ACTR3C: variants seen among roughly 807,000 people sequenced by gnomAD.
ACTR3C encodes actin-related protein 3C.
Under a neutral mutation model 26.3 loss-of-function variants are expected in ACTR3C, and 18 were observed. That is an observed-to-expected ratio of 0.68 (90% CI 0.47 to 1.01). The LOEUF is 1.01. Among genes scored for constraint, ACTR3C ranks in the 50% least tolerant of loss-of-function variants. The pLI is 0.00. For synonymous variants in ACTR3C, 55 were observed against 94.5 expected (o/e 0.58, Z 2.42); for missense variants, 184 against 250.7 (o/e 0.73, Z 1.80).
At chr7:150,155,193 A>G in the ACTR3C span, among the ~76,000 whole-genome samples, 1 of 152,260 alleles carries the variant, frequency 6.6e-6, no homozygotes, top group Admixed American at 6.5e-5. Context: ...TAAATGGGGA[A>G]CAGAGATGAA....
At chr7:150,201,767 G>T in the ACTR3C span, among the ~76,000 whole-genome samples, 1 of 150,174 alleles carries the variant, frequency 6.7e-6, no homozygotes, top group East Asian at 2.0e-4. Context: ...AAAAAAAAAA[G>T]TTTCTCACTT....
At chr7:149,975,936 A>T in the ACTR3C span, among the ~76,000 whole-genome samples, 1 of 152,132 alleles carries the variant, frequency 6.6e-6, no homozygotes, top group East Asian at 1.9e-4. Context: ...CTGGGTGGGG[A>T]AACAGCCAAA....
the ACTR3C span, among the ~76,000 whole-genome samples, chr7:150,168,991 C>A: frequency 6.6e-6 from 1 of 150,684 alleles, no homozygotes; most frequent in Non-Finnish European, 1.5e-5. Flanking sequence ...GAATCCCTAA[C>A]CTTCAATGCA....
the ACTR3C span, among the ~76,000 whole-genome samples, chr7:149,928,731 T>C: frequency 6.6e-6 from 1 of 151,294 alleles, no homozygotes; most frequent in African/African-American, 2.4e-5. Context: ...TAATCCCAGC[T>C]ACTCAGGAGG....
At chr7:150,110,849 T>A in the ACTR3C span, among the ~76,000 whole-genome samples, 1 of 30,468 alleles carries the variant, frequency 3.3e-5, no homozygotes, top group Admixed American at 4.3e-4. Context: ...CTGTTGGGGG[T>A]GTGGCTCTTA....
intron 6 of ACTR3C, among the ~76,000 whole-genome samples, chr7:150,282,822 G>A (rs1225599656): frequency 1.4e-5 from 2 of 143,464 alleles, no homozygotes; most frequent in Non-Finnish European, 3.0e-5. Context: ...GCTGCAGTGA[G>A]CTGTGATCAC....
At position 150,284,773 on chromosome 7, in the gene ACTR3C, C is replaced by T; in HGVS notation, c.544G>A (p.Val182Met). The T allele has an allele frequency of 6.2e-7, 1 of 1,613,076 alleles. No individual in the cohort carries two copies. Among genetic ancestry groups the T allele is most frequent in the Non-Finnish European group, 8.5e-7 (1 of 1,179,588 alleles). ...CATACCTTATACAGCGGACGCCGCA[C>T]ATCGATGGGGCAGTTCTGTATTACT... is the stretch of plus-strand genomic sequence containing the variant. Reference protein sequence around the residue: ...DEVIQNCPIDVRRPLYKMEQI... With the variant: ...DEVIQNCPIDMRRPLYKMEQI... The change falls in exon 6 of 8, where the codon GTG (valine) becomes ATG (methionine). Residue 182 changes from valine (V) to methionine (M), a missense_variant. Transcript: ENST00000683684.
At chr7:150,259,447 T>C (rs188240867) in intron 6 of ACTR3C, among the ~76,000 whole-genome samples, 1 of 152,194 alleles carries the variant, frequency 6.6e-6, no homozygotes, top group Non-Finnish European at 1.5e-5. Flanking sequence ...CCTATCAAAG[T>C]ATTTTTCTGT....
chr7:150,084,280 AT>A, the ACTR3C span, among the ~76,000 whole-genome samples: 1 of 152,184 alleles, frequency 6.6e-6, no homozygotes, highest in African/African-American at 2.4e-5. Flanking sequence ...GAATGTTTCC[AT>A]TTTTAAAATT....
intron 6 of ACTR3C, among the ~76,000 whole-genome samples, chr7:150,272,766 C>G (rs1204554208): frequency 1.5e-5 from 2 of 135,028 alleles, no homozygotes; most frequent in Non-Finnish European, 3.0e-5. Context: ...TCCTAACTCC[C>G]TGTAGCCTCC....
At chr7:150,152,261 A>G in the ACTR3C span, among the ~76,000 whole-genome samples, 1 of 152,080 alleles carries the variant, frequency 6.6e-6, no homozygotes, top group Non-Finnish European at 1.5e-5. Flanking sequence ...ATTCAGTATG[A>G]TATTGGCTGT....
At chr7:150,297,297 A>G (rs1431585673) in intron 1 of ACTR3C, among the ~76,000 whole-genome samples, 43 of 150,668 alleles carry the variant, frequency 2.9e-4, no homozygotes, top group Non-Finnish European at 3.4e-4. Context: ...ACCACACATT[A>G]TATGTATCAA....
the ACTR3C span, among the ~76,000 whole-genome samples, chr7:150,108,878 T>G: frequency 4.6e-5 from 7 of 151,340 alleles, no homozygotes; most frequent in East Asian, 1.2e-3. Context: ...GGGGAAGGAC[T>G]GAGAGTAAGG....
At chr7:149,917,286 G>A in the ACTR3C span, among the ~76,000 whole-genome samples, 1 of 152,190 alleles carries the variant, frequency 6.6e-6, no homozygotes, top group South Asian at 2.1e-4. Flanking sequence ...TGTTGGTCAG[G>A]CTGGTCTCAA....
chr7:150,143,540 G>C, the ACTR3C span, among the ~76,000 whole-genome samples: 1 of 152,128 alleles, frequency 6.6e-6, no homozygotes, highest in African/African-American at 2.4e-5. Flanking sequence ...TCAAGACATG[G>C]AACCTTCCCA....
chr7:149,901,052 A>G, the ACTR3C span, among the ~76,000 whole-genome samples: 154 of 152,306 alleles, frequency 1.0e-3, no homozygotes, highest in South Asian at 0.012. Context: ...CACACACTGT[A>G]TGAGTAGTAG....
the ACTR3C span, among the ~76,000 whole-genome samples, chr7:150,089,831 G>C: frequency 1.3e-5 from 2 of 152,202 alleles, no homozygotes; most frequent in African/African-American, 4.8e-5. Context: ...ATGGAATTGG[G>C]CACAAGTCTG....
the ACTR3C span, among the ~76,000 whole-genome samples, chr7:150,161,222 A>ATATATATATATTTTTTTTTTTTTTTTTT: frequency 8.3e-6 from 1 of 120,380 alleles, no homozygotes; most frequent in African/African-American, 3.5e-5. Context: ...ATATATATAT[A>ATATATATATATTTTTTTTTTTTTTTTTT]TATTTATTAT....
At chr7:150,291,940 A>G (rs1394298792) in intron 3 of ACTR3C, among the ~76,000 whole-genome samples, 1 of 151,484 alleles carries the variant, frequency 6.6e-6, no homozygotes, top group Non-Finnish European at 1.5e-5. Context: ...CAGGAGTACA[A>G]GGTATGGGGG....
Sources: gnomAD v4.1 joint callset for allele counts (sites outside exome capture counted in the v4.1 genomes callset) on GRCh38, gnomAD v4.1.1 for gene constraint, MANE v1.5 for transcripts, NCBI Gene and HGNC (gene_info 2026-07-23, HGNC 2026-07-21) for gene names.